UNC13D: variants seen among roughly 807,000 people sequenced by gnomAD.
UNC13D encodes the protein protein unc-13 homolog D.
A neutral mutation model predicts 151.7 loss-of-function variants in UNC13D; 115 were observed. That is an observed-to-expected ratio of 0.76 (90% CI 0.65 to 0.88). UNC13D has a LOEUF of 0.88. Ranked by LOEUF, UNC13D falls within the 40% of genes least tolerant of loss-of-function variation. The pLI is 0.00. For missense variants in UNC13D, 1,369 were observed against 1,438.7 expected (o/e 0.95, Z 0.78); for synonymous variants, 588 against 612.2 (o/e 0.96, Z 0.58).
chr17:75,834,575 T>A (rs2064893793), intron 22 of UNC13D, 43 bp downstream of exon 22: 1 of 1,612,156 alleles, frequency 6.2e-7, no homozygotes, highest in Admixed American at 1.7e-5. Flanking sequence ...CCCAGGCTGG[T>A]CCCCACACCC....
chr17:75,835,298 A>G, intron 20 of UNC13D, 111 bp downstream of exon 20: 4 of 1,439,660 alleles, frequency 2.8e-6, no homozygotes, highest in Non-Finnish European at 3.8e-6. Flanking sequence ...TGCACCCAAA[A>G]GGGATGTTCA....
rs2064892508 is a variant in UNC13D at position 75,834,410 on chromosome 17, T to G, written c.2213A>C (p.Gln738Pro). The G allele has an allele frequency of 1.3e-6, 2 of 1,582,314 alleles. No homozygotes were observed. The highest frequency in any genetic ancestry group is 1.7e-6 in the Non-Finnish European group (2 of 1,171,150). The change falls in exon 23 of 32, where the codon CAG becomes CCG. Residue 738 changes from glutamine to proline, a missense_variant. By Grantham distance (76) the Gln-to-Pro change is moderately conservative. This residue lies in a region of UNC13D where 807 missense variants were observed against 795.5 expected (regional missense o/e 1.01). Transcript: ENST00000207549. ...VGAVLEQGQL[Q>P]NTLHAQLQSA... ...CTGCAGCTGGGCATGCAGCGTGTTC[T>G]GCAGCTGCCCCTGCTCCAGCACGGC...
At position 75,834,059 on chromosome 17, in the gene UNC13D, C is replaced by A. The variant is rs1049703211; in HGVS notation, c.2367+16G>T. The A allele has an allele frequency of 6.8e-6, 11 of 1,613,420 alleles. No individual in the cohort carries two copies. The South Asian group carries it at 1.1e-4, about 16-fold the overall frequency. On this transcript the variant is annotated intron_variant, in intron 24 of 31. Transcript: ENST00000207549. ...TGGCAGGGTGGTGAAGGCCAGCAGG[C>A]AGAAGGGCCACTTACATCCTCAGGC... is the stretch of plus-strand genomic sequence containing the variant.
intron 29 of UNC13D, 35 bp from the exon 30 acceptor site, chr17:75,830,186 G>T (rs2064860901): frequency 1.3e-6 from 2 of 1,575,828 alleles, no homozygotes; most frequent in East Asian, 2.4e-5. Flanking sequence ...GTCAGCTGAG[G>T]GTCTCCCAGG....
In UNC13D at chr17:75,843,245, C is replaced by G. The variant is rs9904366; in HGVS notation, c.175G>C (p.Ala59Pro). Residue 59 changes from alanine to proline, a missense_variant, in exon 3 of 32, where the codon GCA becomes CCA. This residue lies in a region of UNC13D where 550 missense variants were observed against 609.0 expected (regional missense o/e 0.90). Transcript: ENST00000207549. Reference protein sequence around the residue: ...PEQRALLYEDALYTVLHRLGH... With the variant: ...PEQRALLYEDPLYTVLHRLGH... ...AGGCGGTGCAAGACAGTGTAGAGTG[C>G]GTCCTCGTAGAGCAGGGCCCGCTAA... 1 of 1,609,158 alleles carries G rather than the reference C, an allele frequency of 6.2e-7. No individual in the cohort carries two copies. Among genetic ancestry groups the G allele is most frequent in the Non-Finnish European group, 8.5e-7 (1 of 1,179,894 alleles).
Position 75,836,624 on chromosome 17 carries a change from C to A in UNC13D, c.1246G>T (p.Val416Phe), listed in dbSNP as rs1232770117. The change falls in exon 14 of 32, where the codon GTC (valine) becomes TTC (phenylalanine). Residue 416 changes from valine (V) to phenylalanine (F), a missense_variant. This residue lies in a region of UNC13D where 550 missense variants were observed against 609.0 expected (regional missense o/e 0.90). Coordinates refer to ENST00000207549, the MANE Select transcript of UNC13D (RefSeq NM_199242.3). ...GAGTCCGAGACAGAGAGGGGGAAGACAGAGCGGAACCTCCGGATGAGGGAG... is the reference window on the plus strand; with the variant it reads ...GAGTCCGAGACAGAGAGGGGGAAGAAAGAGCGGAACCTCCGGATGAGGGAG... ...GLSLIRRFRS[V>F]FPLSVSDSPA... 1 of 1,613,688 alleles carries A rather than the reference C, an allele frequency of 6.2e-7. No individual in the cohort carries two copies. Among genetic ancestry groups the A allele is most frequent in the African/African-American group, 1.3e-5 (1 of 74,940 alleles).
chr17:75,843,695 C>T, intron 1 of UNC13D, 176 bp from the exon 2 acceptor site: 1 of 1,459,584 alleles, frequency 6.9e-7, no homozygotes, highest in Non-Finnish European at 9.0e-7. Flanking sequence ...GGAGGTCCGT[C>T]CCTGGGCCCG....
rs748243525 is a variant in UNC13D, at chr17:75,836,374, C to T, written c.1354G>A (p.Ala452Thr). The change falls in exon 15 of 32, where the codon GCC becomes ACC. Residue 452 changes from alanine to threonine, a missense_variant. By Grantham distance (58) the Ala-to-Thr change is moderately conservative. This residue lies in a region of UNC13D where 550 missense variants were observed against 609.0 expected (regional missense o/e 0.90). Coordinates refer to ENST00000207549, the MANE Select transcript of UNC13D (RefSeq NM_199242.3). The part of the protein sequence containing the change: ...KAFGELCPNT[A>T]PLPQLVTEAL... Reference sequence around the variant, plus strand: ...TCAGTCACCAGCTGGGGCAATGGGGCGGTGTTGGGGCACAGTTCTCCAAAG... The same window carrying T: ...TCAGTCACCAGCTGGGGCAATGGGGTGGTGTTGGGGCACAGTTCTCCAAAG... 1 of 1,613,920 alleles carries T rather than the reference C, an allele frequency of 6.2e-7. No homozygotes were observed. Among genetic ancestry groups the T allele is most frequent in the Non-Finnish European group, 8.5e-7 (1 of 1,180,020 alleles).
rs531729868 is a variant in UNC13D, at chr17:75,827,962, C to A, written c.*3G>T. ...GACCCAGCCCCACCGCAAACCTCTA[C>A]GGCTACGGTGCCGGCCGCAAGGCAT... On this transcript the variant is annotated 3_prime_UTR_variant, in exon 32 of 32. Coordinates refer to ENST00000207549, the MANE Select transcript of UNC13D (RefSeq NM_199242.3). 1.9e-6 allele frequency: 3 copies of A among 1,608,288 alleles called. No homozygotes were observed. Among genetic ancestry groups the A allele is most frequent in the Non-Finnish European group, 2.5e-6 (3 of 1,178,694 alleles).
chr17:75,843,137 G>T lies in UNC13D; in HGVS notation c.261+22C>A, dbSNP rs762591387. On this transcript the variant is annotated intron_variant, in intron 3 of 31. Coordinates refer to ENST00000207549, the MANE Select transcript of UNC13D (RefSeq NM_199242.3). ...AGACAGGGCAGCTGCAGGAAGGGGG[G>T]TGGGGTGGGAGCCGGGCTCACCTCC... 5 of 1,609,558 alleles carry T rather than the reference G, an allele frequency of 3.1e-6. No homozygotes were observed. In the South Asian group the frequency reaches 3.3e-5, roughly 11 times the overall value.
intron 12 of UNC13D, among the ~76,000 whole-genome samples, chr17:75,837,285 C>T (rs1162071128): frequency 1.3e-5 from 2 of 149,850 alleles, no homozygotes; most frequent in East Asian, 2.1e-4. Context: ...AGGCTGGTCT[C>T]GAACACCTGA....
Position 75,842,593 on chromosome 17 carries a change from G to C in UNC13D, c.409C>G (p.Leu137Val), listed in dbSNP as rs766811211. The C allele has an allele frequency of 6.2e-6, 10 of 1,611,936 alleles. No individual in the cohort carries two copies. The East Asian group carries it at 1.3e-4, about 22-fold the overall frequency. Residue 137 changes from leucine to valine, a missense_variant, in exon 6 of 32, where the codon CTG becomes GTG. Around this residue, in one of 3 missense-constraint regions of UNC13D, gnomAD observed 550 missense variants for 609.0 expected, o/e 0.90. Coordinates refer to ENST00000207549, the MANE Select transcript of UNC13D (RefSeq NM_199242.3). ...DVSGFSDPYC[L>V]LGIEQGVGVP... Reference sequence around the variant, plus strand: ...CCTACCCCCTGCTCAATGCCCAGCAGGCAGTAGGGGTCGCTGAACCCTGTG... The same window carrying C: ...CCTACCCCCTGCTCAATGCCCAGCACGCAGTAGGGGTCGCTGAACCCTGTG...
At position 75,833,424 on chromosome 17, in the gene UNC13D, A is replaced by T. The variant is rs1355707263; in HGVS notation, c.2368-379T>A. Among the ~76,000 whole-genome samples, 1 of 152,014 alleles carries T rather than the reference A, an allele frequency of 6.6e-6. No individual in the cohort carries two copies. Among genetic ancestry groups the T allele is most frequent in the African/African-American group, 2.4e-5 (1 of 41,296 alleles). ...CACCATCTAAAAATACAACCCTCTG[A>T]CACTTCTCAGCCGCTTCTCTGTTTT... On this transcript the variant is annotated intron_variant, in intron 24 of 31. Transcript: ENST00000207549. This position sits in a 1 kb window ranked among gnomAD's most constrained non-coding sequence, Gnocchi z 4.0.
intron 21 of UNC13D, 99 bp from the exon 22 acceptor site, chr17:75,834,815 A>T: frequency 6.2e-7 from 1 of 1,609,140 alleles, no homozygotes; most frequent in Non-Finnish European, 8.5e-7. Flanking sequence ...GGGGATTTAG[A>T]ATACAGGCCT....
Position 75,836,104 on chromosome 17 carries a change from G to A in UNC13D, c.1452C>T (p.Ile484=), listed in dbSNP as rs1448305115. ...CCAGCAAGGCCTTGCCTGCCTCCGG[G>A]ATGCCCTGCAGAGACAGAGGTGGGC... ...QQHHQPMVQG[I]PEAGKALLGL... Residue 484 remains isoleucine (I), a synonymous_variant, in exon 17 of 32, where the codon ATC becomes ATT. Coordinates refer to ENST00000207549, the MANE Select transcript of UNC13D (RefSeq NM_199242.3). The A allele has an allele frequency of 6.2e-7, 1 of 1,613,346 alleles. No individual in the cohort carries two copies. Among genetic ancestry groups the A allele is most frequent in the Non-Finnish European group, 8.5e-7 (1 of 1,180,026 alleles).
chr17:75,830,407 C>T lies in UNC13D; in HGVS notation c.2785G>A (p.Val929Met), dbSNP rs2064862605. The part of the protein sequence containing the change: ...SYRASEQKLR[V>M]ELLSASSLLP... ...AGGCTGGAGGCGCTGAGCAGCTCCA[C>T]ACGCAGCTTCTGCTCAGAGGCGCGG... The change falls in exon 29 of 32, where the codon GTG becomes ATG. Residue 929 changes from valine to methionine, a missense_variant. Around this residue, in one of 3 missense-constraint regions of UNC13D, gnomAD observed 807 missense variants for 795.5 expected, o/e 1.01. Transcript: ENST00000207549. 12 of 1,589,136 alleles carry T rather than the reference C, an allele frequency of 7.6e-6. No individual in the cohort carries two copies. Among genetic ancestry groups the T allele is most frequent in the Non-Finnish European group, 8.6e-6 (10 of 1,169,428 alleles).
In UNC13D at chr17:75,834,974, C is replaced by G. The variant is rs775246589; in HGVS notation, c.1938G>C (p.Gln646His). 1 of 1,614,140 alleles carries G rather than the reference C, an allele frequency of 6.2e-7. No individual in the cohort carries two copies. Among genetic ancestry groups the G allele is most frequent in the South Asian group, 1.1e-5 (1 of 91,090 alleles). Residue 646 changes from glutamine (Q) to histidine (H), a missense_variant, in exon 21 of 32, where the codon CAG becomes CAC. Transcript: ENST00000207549. ...CCTCCTCTGGGTCTGGCCAGTCCAG[C>G]TGCCGGGCAGTGTGGCTGATCTGGG... is the stretch of plus-strand genomic sequence containing the variant. ...CFAQISHTAR[Q>H]LDWPDPEEAF...
Position 75,832,895 on chromosome 17 carries a change from C to T in UNC13D, c.2447+71G>A. 1 of 1,475,588 alleles carries T rather than the reference C, an allele frequency of 6.8e-7. No homozygotes were observed. The highest frequency in any genetic ancestry group is 9.2e-7 in the Non-Finnish European group (1 of 1,081,120). 91.4% of individuals were successfully genotyped at this position (1,475,588 alleles called of 1,614,324 possible). ...ACACCCCTCAGAACGGATGCTGGGG[C>T]CCAGGAAGGAGGGGCCGTGGGAGGA... On this transcript the variant is annotated intron_variant, in intron 25 of 31. Coordinates refer to ENST00000207549, the MANE Select transcript of UNC13D (RefSeq NM_199242.3). The surrounding 1 kb of genome is among the most constrained non-coding windows in gnomAD (Gnocchi z 4.3).
rs375920099 is a variant in UNC13D, at chr17:75,833,589, T to C, written c.2367+486A>G. On this transcript the variant is annotated intron_variant, in intron 24 of 31. Transcript: ENST00000207549. This position sits in a 1 kb window ranked among gnomAD's most constrained non-coding sequence, Gnocchi z 4.0. ...TATGTAGCTCTTTTTTCACCTCCAC[T>C]ACTAGAACGTGGGCTCCAGGAAAGC... Among the ~76,000 whole-genome samples the C allele has an allele frequency of 3.9e-5, 6 of 152,328 alleles. No individual in the cohort carries two copies. In the East Asian group the frequency reaches 9.6e-4, roughly 24 times the overall value.
Sources: gnomAD v4.1 joint callset for allele counts (sites outside exome capture counted in the v4.1 genomes callset) on GRCh38, gnomAD v4.1.1 for gene constraint, gnomAD v4.1.1 regional missense constraint, Gnocchi (gnomAD v3.1) non-coding constraint, MANE v1.5 for transcripts, NCBI Gene and HGNC (gene_info 2026-07-23, HGNC 2026-07-21) for gene names.